C12orf50: variants seen among roughly 807,000 people sequenced by gnomAD.
The protein encoded by C12orf50 is uncharacterized protein C12orf50.
In C12orf50, 35 loss-of-function variants were observed where a neutral mutation model predicts 61.6. That is an observed-to-expected ratio of 0.57 (90% CI 0.43 to 0.75). The LOEUF (loss-of-function observed/expected upper bound fraction) is 0.75. Among genes scored for constraint, C12orf50 ranks in the 30% least tolerant of loss-of-function variants. C12orf50 has a pLI of 0.00. For synonymous variants in C12orf50, 178 were observed against 161.5 expected (o/e 1.10, Z -0.77); for missense variants, 475 against 488.5 (o/e 0.97, Z 0.26).
chr12:88,005,368 G>A (rs2031817936), intron 3 of C12orf50, among the ~76,000 whole-genome samples: 1 of 152,162 alleles, frequency 6.6e-6, no homozygotes, highest in Non-Finnish European at 1.5e-5. Context: ...ACAGTTAACA[G>A]GGATAACACG....
At chr12:88,003,774 G>A (rs988178058) in intron 3 of C12orf50, among the ~76,000 whole-genome samples, 1 of 151,974 alleles carries the variant, frequency 6.6e-6, no homozygotes, top group African/African-American at 2.4e-5. Flanking sequence ...CATATGATGT[G>A]TCTGGCTGCA....
At chr12:87,992,656 T>C (rs1178850577) in intron 7 of C12orf50, among the ~76,000 whole-genome samples, 1 of 152,030 alleles carries the variant, frequency 6.6e-6, no homozygotes, top group African/African-American at 2.4e-5. Context: ...AATGCAAAAT[T>C]AGCCTATAGT....
In C12orf50 at chr12:87,996,409, TCTAA is replaced by T. The variant is rs761606672; in HGVS notation, c.442_445del (p.Leu148LysfsTer31). 2.5e-6 allele frequency: 4 copies of T among 1,613,196 alleles called. No individual in the cohort carries two copies. The highest frequency in any genetic ancestry group is 1.1e-5 in the South Asian group (1 of 91,066). On this transcript the variant is annotated frameshift_variant, in exon 6 of 13. Coordinates refer to ENST00000298699, the MANE Select transcript of C12orf50 (RefSeq NM_152589.3). LOFTEE classifies it high-confidence loss of function. Reference sequence around the variant, plus strand: ...TTCACTGCCATTTTCCAAAGGCTTTTCTAACTGTTTTTCTGCTGTAGGTGTCATG... The same window carrying T: ...TTCACTGCCATTTTCCAAAGGCTTTTCTGTTTTTCTGCTGTAGGTGTCATG...
At chr12:87,986,107 A>G in intron 10 of C12orf50, 54 bp from the exon 11 acceptor site, 1 of 1,538,672 alleles carries the variant, frequency 6.5e-7, no homozygotes, top group South Asian at 1.1e-5. Context: ...TTTCACACCC[A>G]TAAATAACAT....
At chr12:87,986,677 T>C (rs1339243221) in intron 9 of C12orf50, among the ~76,000 whole-genome samples, 1 of 151,950 alleles carries the variant, frequency 6.6e-6, no homozygotes, top group African/African-American at 2.4e-5. Flanking sequence ...AAGGAATGTG[T>C]GGATTCTTTT....
At chr12:88,020,910 A>G (rs2136491039) in intron 3 of C12orf50, among the ~76,000 whole-genome samples, 1 of 152,336 alleles carries the variant, frequency 6.6e-6, no homozygotes, top group South Asian at 2.1e-4. Context: ...AATTACATGG[A>G]AATTAAACAA....
Position 88,026,527 on chromosome 12 carries a change from G to A in C12orf50, c.94C>T (p.Pro32Ser). ...AAAAATAATCCATTGATATTTCGAGGTTTGCTGTGATAAAAGATACAGCTG... is the reference window on the plus strand; with the variant it reads ...AAAAATAATCCATTGATATTTCGAGATTTGCTGTGATAAAAGATACAGCTG... ...KISCIFYHSKPRNINGLFLPP... is the reference protein window; with the variant it reads ...KISCIFYHSKSRNINGLFLPP... Residue 32 changes from proline to serine, a missense_variant, in exon 3 of 13, where the codon CCT becomes TCT. Physicochemically the swap from Pro to Ser is moderately conservative, Grantham distance 74. Coordinates refer to ENST00000298699, the MANE Select transcript of C12orf50 (RefSeq NM_152589.3). The A allele has an allele frequency of 1.2e-6, 2 of 1,613,880 alleles. No homozygotes were observed. Among genetic ancestry groups the A allele is most frequent in the Non-Finnish European group, 1.7e-6 (2 of 1,179,976 alleles).
In C12orf50 at chr12:87,994,709, T is replaced by A. The variant is rs753841779; in HGVS notation, c.516A>T (p.Gln172His). 3.1e-6 allele frequency: 5 copies of A among 1,613,298 alleles called. No individual in the cohort carries two copies. In the South Asian group the frequency reaches 5.5e-5, roughly 18 times the overall value. The change falls in exon 7 of 13, where the codon CAA (glutamine) becomes CAT (histidine). Residue 172 changes from glutamine (Q) to histidine (H), a missense_variant. Physicochemically the swap from Gln to His is conservative, Grantham distance 24. Transcript: ENST00000298699. ...TTTTTATTTCACCTTGCCTTTCATA[T>A]TGGCTAAGTTTTGTCGGAACTGTAA... is the stretch of plus-strand genomic sequence containing the variant. ...DSLTVPTKLSQYERQGEIKTS... is the reference protein window; with the variant it reads ...DSLTVPTKLSHYERQGEIKTS...
chr12:87,992,634 TA>T (rs1176350035), intron 7 of C12orf50, among the ~76,000 whole-genome samples: 5 of 150,214 alleles, frequency 3.3e-5, no homozygotes, highest in Non-Finnish European at 5.9e-5. Context: ...TCCACTTATA[TA>T]AAGGTCAAAA....
At chr12:87,982,930 G>C (rs544101281) in intron 12 of C12orf50, among the ~76,000 whole-genome samples, 173 bp downstream of exon 12, 1 of 152,228 alleles carries the variant, frequency 6.6e-6, no homozygotes, top group Non-Finnish European at 1.5e-5. Context: ...CAGTAAAACA[G>C]TAAAATTACA....
At chr12:87,993,536 A>C (rs1434238298) in intron 7 of C12orf50, among the ~76,000 whole-genome samples, 2 of 152,216 alleles carry the variant, frequency 1.3e-5, no homozygotes, top group African/African-American at 4.8e-5. Flanking sequence ...TGCAGATGTA[A>C]GAAAGGAGAA....
chr12:87,998,754 C>T (rs531681330), intron 3 of C12orf50, among the ~76,000 whole-genome samples: 90 of 152,160 alleles, frequency 5.9e-4, no homozygotes, highest in African/African-American at 2.1e-3. Flanking sequence ...AAAAGTAGAT[C>T]GATGTATCAT....
chr12:88,026,747 A>G, intron 2 of C12orf50, 139 bp from the exon 3 acceptor site: 2 of 1,318,000 alleles, frequency 1.5e-6, no homozygotes, highest in Non-Finnish European at 2.1e-6. Flanking sequence ...TCCAGCTTTC[A>G]GTGTTTCTAA....
intron 3 of C12orf50, among the ~76,000 whole-genome samples, chr12:88,017,479 C>T (rs945969525): frequency 6.6e-6 from 1 of 152,168 alleles, no homozygotes; most frequent in African/African-American, 2.4e-5. Flanking sequence ...TGCAGCATGT[C>T]TTTATCTGCA....
At chr12:87,999,754 T>C (rs1000787206) in intron 3 of C12orf50, among the ~76,000 whole-genome samples, 2 of 152,132 alleles carry the variant, frequency 1.3e-5, no homozygotes, top group African/African-American at 4.8e-5. Flanking sequence ...TTATTTATAA[T>C]AGTCAAAAAG....
At chr12:87,983,340 A>T in intron 11 of C12orf50, 145 bp from the exon 12 acceptor site, 1 of 477,830 alleles carries the variant, frequency 2.1e-6, no homozygotes, top group South Asian at 3.7e-5. Flanking sequence ...TCAGGGATAC[A>T]AGTGAGTTTA....
chr12:87,990,308 A>G (rs2031057750), intron 7 of C12orf50, among the ~76,000 whole-genome samples: 1 of 152,168 alleles, frequency 6.6e-6, no homozygotes, highest in Non-Finnish European at 1.5e-5. Flanking sequence ...GCATTTGAAC[A>G]TATCATCCTT....
intron 12 of C12orf50, among the ~76,000 whole-genome samples, chr12:87,981,076 A>C (rs1265182619): frequency 6.6e-6 from 1 of 152,214 alleles, no homozygotes; most frequent in Admixed American, 6.5e-5. Context: ...TAAGAAAACA[A>C]ACTATTTCAT....
intron 8 of C12orf50, among the ~76,000 whole-genome samples, chr12:87,988,211 C>T (rs989342983): frequency 2.0e-5 from 3 of 152,004 alleles, no homozygotes; most frequent in South Asian, 2.1e-4. Flanking sequence ...AATAAAAAAT[C>T]GTGGCAGTAT....
Sources: gnomAD v4.1 joint callset for allele counts (sites outside exome capture counted in the v4.1 genomes callset) on GRCh38, gnomAD v4.1.1 for gene constraint, MANE v1.5 for transcripts, NCBI Gene and HGNC (gene_info 2026-07-23, HGNC 2026-07-21) for gene names.